Variants in FARS2 observed in about 807,000 individuals in gnomAD.
FARS2 encodes phenylalanyl-tRNA synthetase 2, mitochondrial.
A neutral mutation model predicts 46.4 loss-of-function variants in FARS2; 40 were observed. The ratio of observed to expected loss-of-function variants is 0.86; its 90% CI spans 0.67 to 1.12. The LOEUF (loss-of-function observed/expected upper bound fraction) is 1.12, where lower values mean the gene tolerates loss of function less well. Among genes scored for constraint, FARS2 ranks in the 50% most tolerant of loss-of-function variants. The pLI is 0.00. For missense variants in FARS2, 513 were observed against 567.9 expected (o/e 0.90, Z 0.98); for synonymous variants, 234 against 214.9 (o/e 1.09, Z -0.78).
At chr6:5,679,123 CT>C (rs1778904679) in intron 6 of FARS2, among the ~76,000 whole-genome samples, 1 of 152,118 alleles carries the variant, frequency 6.6e-6, no homozygotes, top group Non-Finnish European at 1.5e-5. Context: ...AATTTTTTTG[CT>C]GGTGAAGAGA....
At chr6:5,383,680 T>C (rs1404081452) in intron 2 of FARS2, among the ~76,000 whole-genome samples, 2 of 152,198 alleles carry the variant, frequency 1.3e-5, no homozygotes, top group Non-Finnish European at 2.9e-5. Flanking sequence ...TCTCCTCCTT[T>C]TGTGTTAAGT....
At chr6:5,413,251 A>G (rs904465701) in intron 3 of FARS2, among the ~76,000 whole-genome samples, 4 of 152,216 alleles carry the variant, frequency 2.6e-5, no homozygotes, top group Non-Finnish European at 5.9e-5. Flanking sequence ...TGGGCAGAGG[A>G]TAACAGAGAG....
At chr6:5,550,041 C>T (rs1427405438) in intron 5 of FARS2, among the ~76,000 whole-genome samples, 4 of 152,068 alleles carry the variant, frequency 2.6e-5, no homozygotes, top group Non-Finnish European at 5.9e-5. Context: ...ACTTTTGCAC[C>T]TGAAGCGAGG....
chr6:5,262,785 T>C (rs1465242174), intron 1 of FARS2, among the ~76,000 whole-genome samples: 2 of 152,248 alleles, frequency 1.3e-5, no homozygotes, highest in African/African-American at 2.4e-5. Context: ...ATGTCTGTTA[T>C]TGTTTATTAT....
At chr6:5,673,423 T>C (rs1778584193) in intron 6 of FARS2, among the ~76,000 whole-genome samples, 1 of 152,144 alleles carries the variant, frequency 6.6e-6, no homozygotes, top group Non-Finnish European at 1.5e-5. Context: ...GGCCACAAAT[T>C]TGGGCCTGTC....
chr6:5,271,020 C>G (rs1335112014), intron 1 of FARS2, among the ~76,000 whole-genome samples: 1 of 152,198 alleles, frequency 6.6e-6, no homozygotes, highest in African/African-American at 2.4e-5. Context: ...CTTAGAGTGA[C>G]TGCCATTGCA....
intron 4 of FARS2, among the ~76,000 whole-genome samples, chr6:5,508,526 C>T (rs1348109042): frequency 6.7e-6 from 1 of 149,418 alleles, no homozygotes; most frequent in African/African-American, 2.5e-5. Context: ...GAAAGGGGAG[C>T]AGAGTGCTGG....
intron 4 of FARS2, among the ~76,000 whole-genome samples, chr6:5,432,248 G>A (rs1363451755): frequency 7.0e-6 from 1 of 143,528 alleles, no homozygotes; most frequent in East Asian, 2.0e-4. Context: ...CCCAGGAGGC[G>A]GAGGTTGCAG....
At chr6:5,352,046 T>C (rs545987707) in intron 1 of FARS2, among the ~76,000 whole-genome samples, 1 of 152,178 alleles carries the variant, frequency 6.6e-6, no homozygotes, top group African/African-American at 2.4e-5. Context: ...GCCCGTGGCC[T>C]GTAGGCAGCC....
chr6:5,661,140 A>G (rs2150781114), intron 6 of FARS2, among the ~76,000 whole-genome samples: 1 of 152,242 alleles, frequency 6.6e-6, no homozygotes, highest in East Asian at 1.9e-4. Context: ...TAAAACCCAA[A>G]ATTTCTACAG....
At chr6:5,734,758 C>A (rs1296150102) in intron 6 of FARS2, among the ~76,000 whole-genome samples, 1 of 152,146 alleles carries the variant, frequency 6.6e-6, no homozygotes, top group Admixed American at 6.5e-5. Flanking sequence ...CTGGAGAGTT[C>A]TTCTGTAAAT....
Position 5,506,460 on chromosome 6 carries a change from A to G in FARS2, c.905-38720A>G, listed in dbSNP as rs75663122. Among the ~76,000 whole-genome samples the G allele has an allele frequency of 2.4e-3, 365 of 152,294 alleles. 7 individuals carry two copies. The East Asian group carries it at 0.054, about 23-fold the overall frequency. ...CCAACATTCAAATGGGCAGCTAGAG[A>G]GAGTGGGGCTGGGCACAGCCTCTTA... On this transcript the variant is annotated intron_variant, in intron 4 of 6. Coordinates refer to ENST00000274680, the MANE Select transcript of FARS2 (RefSeq NM_006567.5).
intron 6 of FARS2, among the ~76,000 whole-genome samples, chr6:5,637,093 G>A (rs1322622120): frequency 3.9e-5 from 6 of 152,218 alleles, no homozygotes; most frequent in Non-Finnish European, 8.8e-5. Flanking sequence ...ATCCAGAGCC[G>A]AATAGATGCA....
chr6:5,282,620 GC>G (rs1561929964), intron 1 of FARS2, among the ~76,000 whole-genome samples: 1 of 152,322 alleles, frequency 6.6e-6, no homozygotes, highest in East Asian at 1.9e-4. Flanking sequence ...AGAGAAAGGG[GC>G]TTGGGCCCGT....
At chr6:5,599,841 G>C (rs972982620) in intron 5 of FARS2, among the ~76,000 whole-genome samples, 1 of 152,040 alleles carries the variant, frequency 6.6e-6, no homozygotes, top group East Asian at 1.9e-4. Flanking sequence ...CTTAACCAGA[G>C]GCACATGTGA....
At chr6:5,277,889 C>T (rs1421413129) in intron 1 of FARS2, among the ~76,000 whole-genome samples, 3 of 152,212 alleles carry the variant, frequency 2.0e-5, no homozygotes, top group African/African-American at 7.2e-5. Context: ...TATCACTGTA[C>T]CCAGTCCATT....
At chr6:5,481,039 G>T (rs1766423891) in intron 4 of FARS2, among the ~76,000 whole-genome samples, 1 of 152,250 alleles carries the variant, frequency 6.6e-6, no homozygotes, top group Non-Finnish European at 1.5e-5. Flanking sequence ...TTTGCAGTTA[G>T]CCTGCAGCAC....
chr6:5,323,772 G>A (rs1770149407), intron 1 of FARS2, among the ~76,000 whole-genome samples: 1 of 152,114 alleles, frequency 6.6e-6, no homozygotes, highest in Non-Finnish European at 1.5e-5. Flanking sequence ...TTACCATCTT[G>A]GACAAGCACT....
chr6:5,508,125 G>C (rs1334581576), intron 4 of FARS2, among the ~76,000 whole-genome samples: 1 of 152,212 alleles, frequency 6.6e-6, no homozygotes, highest in Non-Finnish European at 1.5e-5. Flanking sequence ...TTCTAATGGG[G>C]AGTTATTAAC....
Sources: gnomAD v4.1 joint callset for allele counts (sites outside exome capture counted in the v4.1 genomes callset) on GRCh38, gnomAD v4.1.1 for gene constraint, MANE v1.5 for transcripts, NCBI Gene and HGNC (gene_info 2026-07-23, HGNC 2026-07-21) for gene names.